The following MSI1 variants were observed in gnomAD, a reference collection of about 807,000 sequenced individuals.
The protein encoded by MSI1 is musashi RNA binding protein 1, also known as RNA-binding protein Musashi homolog 1.
Under a neutral mutation model 54.4 loss-of-function variants are expected in MSI1, and 15 were observed. That is an observed-to-expected ratio of 0.28 (90% CI 0.18 to 0.42). MSI1 has a LOEUF of 0.42. Among genes scored for constraint, MSI1 ranks in the 20% least tolerant of loss-of-function variants. The probability of loss-of-function intolerance (pLI) is 1.00; values close to 1 mark genes in which losing one functional copy is unlikely to be tolerated. For missense variants in MSI1, 304 were observed against 506.0 expected (o/e 0.60, Z 3.83); for synonymous variants, 200 against 196.5 (o/e 1.02, Z -0.15).
chr12:120,345,751 G>C lies in MSI1; in HGVS notation c.1048-119C>G, dbSNP rs998988878. The C allele has an allele frequency of 8.0e-5, 100 of 1,248,452 alleles. No individual in the cohort carries two copies. In the African/African-American group the frequency reaches 1.2e-3, roughly 15 times the overall value. The allele number at this position is 1,248,452 out of a possible 1,614,324, so 77.3% of individuals were successfully genotyped here. Reference sequence around the variant, plus strand: ...TGACCTCTCTCTACCTGTCCGGATCGCCCCCCTACTGCAGGTCTGCCTACC... The same window carrying C: ...TGACCTCTCTCTACCTGTCCGGATCCCCCCCCTACTGCAGGTCTGCCTACC... On this transcript the variant is annotated intron_variant, in intron 13 of 14. Transcript: ENST00000257552.
chr12:120,346,285 C>T lies in MSI1; in HGVS notation c.897G>A (p.Ser299=), dbSNP rs752572335. 2.6e-5 allele frequency: 41 copies of T among 1,581,958 alleles called. No homozygotes were observed. Among genetic ancestry groups the T allele is most frequent in the Middle Eastern group, 1.7e-4 (1 of 5,954 alleles). ...GGAAGCCCCCTGTGCGGCTGGGAGT[C>T]GAACCTGGAGGGGGAGCCATCGTCC... is the stretch of plus-strand genomic sequence containing the variant. ...HPWTMAPPPG[S]TPSRTGGFLG... The change falls in exon 13 of 15, where the codon TCG becomes TCA. Residue 299 remains serine, a synonymous_variant. Coordinates refer to ENST00000257552, the MANE Select transcript of MSI1 (RefSeq NM_002442.4).
intron 9 of MSI1, among the ~76,000 whole-genome samples, chr12:120,354,168 T>C (rs1206358264): frequency 6.6e-6 from 1 of 151,918 alleles, no homozygotes; most frequent in East Asian, 1.9e-4. Context: ...AATTTTTTTG[T>C]AGAGATGGGG....
At chr12:120,353,409 G>A in intron 9 of MSI1, 30 bp from the exon 10 acceptor site, 1 of 1,601,062 alleles carries the variant, frequency 6.2e-7, no homozygotes, top group Non-Finnish European at 8.6e-7. Context: ...GTGTCAGATG[G>A]CTCATCCACA....
intron 12 of MSI1, among the ~76,000 whole-genome samples, chr12:120,346,592 A>C (rs1277678561): frequency 2.0e-5 from 3 of 151,082 alleles, no homozygotes; most frequent in East Asian, 1.9e-4. Flanking sequence ...CTAAACCCTG[A>C]CCCGCGTCCC....
chr12:120,352,172 C>T (rs1475191216), intron 10 of MSI1, among the ~76,000 whole-genome samples: 1 of 152,056 alleles, frequency 6.6e-6, no homozygotes, highest in African/African-American at 2.4e-5. Context: ...CACACAACAT[C>T]ATGCCTGGCT....
intron 11 of MSI1, among the ~76,000 whole-genome samples, chr12:120,347,950 G>T (rs1489597629): frequency 6.6e-6 from 1 of 152,154 alleles, no homozygotes; most frequent in South Asian, 2.1e-4. Flanking sequence ...GACACCTGGC[G>T]ATAGACAGAC....
chr12:120,368,065 G>A lies in MSI1; in HGVS notation c.210C>T (p.Asp70=), dbSNP rs1876128257. ...SRGFGFVTFM[D]QAGVDKVLAQ... is the part of the protein sequence containing the mutation. The stretch of plus-strand genomic sequence containing the variant: ...CCAGCACTTTATCCACCCCCGCCTG[G>A]TCCATGAAAGTGACGAAGCCGAAAC... Residue 70 remains aspartate (D), a synonymous_variant, in exon 4 of 15, where the codon GAC becomes GAT. Transcript: ENST00000257552. This position sits in a 1 kb window ranked among gnomAD's most constrained non-coding sequence, Gnocchi z 6.6. The A allele has an allele frequency of 1.2e-6, 2 of 1,613,664 alleles. No homozygotes were observed. Among genetic ancestry groups the A allele is most frequent in the Admixed American group, 1.7e-5 (1 of 59,942 alleles).
chr12:120,364,378 A>G (rs1875888524), intron 5 of MSI1, among the ~76,000 whole-genome samples: 1 of 152,092 alleles, frequency 6.6e-6, no homozygotes, highest in African/African-American at 2.4e-5. Flanking sequence ...AGAGGCCTGG[A>G]CATCAAGGCT....
At chr12:120,351,854 G>A (rs145363147) in intron 10 of MSI1, among the ~76,000 whole-genome samples, 5 of 150,972 alleles carry the variant, frequency 3.3e-5, no homozygotes, top group Admixed American at 1.3e-4. Flanking sequence ...GACTACAGGC[G>A]CCCGCCACCA....
Position 120,368,389 on chromosome 12 carries a change from C to A in MSI1, c.101-116G>T, listed in dbSNP as rs1210925381. ...GGCCGCCCCCGCGCCAAGCTGCCCG[C>A]GCGTTCTCCACTGCCGCCGCCCCCC... On this transcript the variant is annotated intron_variant, in intron 2 of 14. Transcript: ENST00000257552. The surrounding 1 kb of genome is among the most constrained non-coding windows in gnomAD (Gnocchi z 6.6). 1 of 1,131,334 alleles carries A rather than the reference C, an allele frequency of 8.8e-7. No individual in the cohort carries two copies. Among genetic ancestry groups the A allele is most frequent in the East Asian group, 2.8e-5 (1 of 35,548 alleles). The allele number at this position is 1,131,334 out of a possible 1,614,324, so 70.1% of individuals were successfully genotyped here.
At chr12:120,357,942 G>A (rs201928414) in intron 7 of MSI1, 44 bp from the exon 8 acceptor site, 19 of 1,578,858 alleles carry the variant, frequency 1.2e-5, no homozygotes, top group Middle Eastern at 3.3e-4. Flanking sequence ...GAACCAGAGC[G>A]CAGGGTCAAA....
At chr12:120,346,442 C>T in intron 12 of MSI1, 120 bp from the exon 13 acceptor site, 1 of 1,021,684 alleles carries the variant, frequency 9.8e-7, no homozygotes, top group Non-Finnish European at 1.4e-6. Context: ...GTCCTGTGGG[C>T]CCACCTCCTG....
chr12:120,351,300 C>G (rs1874575069), intron 11 of MSI1, 44 bp downstream of exon 11: 1 of 1,569,936 alleles, frequency 6.4e-7, no homozygotes, highest in African/African-American at 1.4e-5. Flanking sequence ...CCTTCTGTTT[C>G]TCCCCATGTG....
At position 120,368,117 on chromosome 12, in the gene MSI1, C is replaced by A. The variant is rs1490702142; in HGVS notation, c.183-25G>T. On this transcript the variant is annotated intron_variant, in intron 3 of 14. Coordinates refer to ENST00000257552, the MANE Select transcript of MSI1 (RefSeq NM_002442.4). This position sits in a 1 kb window ranked among gnomAD's most constrained non-coding sequence, Gnocchi z 6.6. ...CCTGCGCGCCGTAGTGAGGGAGAGG[C>A]AGATGGTTACAAGGCAGTGAGTGGC... 3.7e-6 allele frequency: 6 copies of A among 1,610,718 alleles called. No individual in the cohort carries two copies. The Admixed American group carries it at 1.0e-4, about 27-fold the overall frequency.
At chr12:120,363,201 T>G (rs996481559) in intron 5 of MSI1, 66 bp from the exon 6 acceptor site, 3 of 1,385,558 alleles carry the variant, frequency 2.2e-6, no homozygotes, top group Non-Finnish European at 3.1e-6. Context: ...CAGCAGGGGC[T>G]CGAGCCCCCC....
In MSI1 at chr12:120,368,271, C is replaced by T. The variant is rs1565895821; in HGVS notation, c.103G>A (p.Gly35Arg). 4 of 1,569,306 alleles carry T rather than the reference C, an allele frequency of 2.5e-6. No homozygotes were observed. The highest frequency in any genetic ancestry group is 1.2e-5 in the South Asian group (1 of 85,956). Reference protein sequence around the residue: ...GGLSWQTTQEGLREYFGQFGE... With the variant: ...GGLSWQTTQERLREYFGQFGE... ...AACTGGCCGAAGTATTCGCGCAGCC[C>T]TTCTGTAACCACACACCCGCCTTCG... Residue 35 changes from glycine to arginine, a missense_variant and splice_region_variant, in exon 3 of 15, where the codon GGG becomes AGG. Physicochemically the swap from Gly to Arg is moderately radical, Grantham distance 125 (BLOSUM62 -2). Around this residue, in one of 4 missense-constraint regions of MSI1, gnomAD observed 105 missense variants for 230.1 expected, o/e 0.46. Transcript: ENST00000257552. The surrounding 1 kb of genome is among the most constrained non-coding windows in gnomAD (Gnocchi z 6.6).
intron 11 of MSI1, among the ~76,000 whole-genome samples, chr12:120,349,848 A>G (rs1384399582): frequency 1.3e-5 from 2 of 152,206 alleles, no homozygotes; most frequent in African/African-American, 2.4e-5. Flanking sequence ...TGTTTGGCTC[A>G]TTTAGGCATT....
At chr12:120,347,323 G>A in intron 12 of MSI1, 123 bp downstream of exon 12, 1 of 1,164,556 alleles carries the variant, frequency 8.6e-7, no homozygotes, top group South Asian at 1.3e-5. Flanking sequence ...GTAATCAGGT[G>A]ATACTTGAGT....
At chr12:120,363,718 T>C (rs1438023230) in intron 5 of MSI1, among the ~76,000 whole-genome samples, 1 of 152,206 alleles carries the variant, frequency 6.6e-6, no homozygotes, top group Non-Finnish European at 1.5e-5. Flanking sequence ...GTTCCAACCA[T>C]GTGCTCCCTG....
Sources: allele counts gnomAD v4.1 joint callset (sites outside exome capture counted in the v4.1 genomes callset), GRCh38; gene constraint gnomAD v4.1.1; regional missense constraint gnomAD v4.1.1; non-coding constraint Gnocchi (gnomAD v3.1); transcripts MANE v1.5; gene names NCBI Gene and HGNC (gene_info 2026-07-23, HGNC 2026-07-21).